MYO16: variants seen among roughly 807,000 people sequenced by gnomAD.
MYO16 encodes the protein myosin XVI, also known as unconventional myosin-XVI.
Under a neutral mutation model 205.3 loss-of-function variants are expected in MYO16, and 94 were observed. The observed-to-expected ratio is 0.46, with a 90% CI of 0.39 to 0.54. The LOEUF (loss-of-function observed/expected upper bound fraction) is 0.54, where lower values mean the gene tolerates loss of function less well. MYO16 is among the 20% of genes least tolerant of loss of function. The pLI, the probability that MYO16 is intolerant of heterozygous loss-of-function variation, is 0.00. For missense variants in MYO16, 2,315 were observed against 2,387.5 expected (o/e 0.97, Z 0.63); for synonymous variants, 988 against 954.0 (o/e 1.04, Z -0.66).
intron 23 of MYO16, among the ~76,000 whole-genome samples, chr13:109,041,277 A>T (rs1886875681): frequency 6.6e-6 from 1 of 152,232 alleles, no homozygotes; most frequent in African/African-American, 2.4e-5. Flanking sequence ...AATAGTAATC[A>T]TCATAGTAAT....
At chr13:108,772,057 G>C (rs1885982186) in intron 4 of MYO16, among the ~76,000 whole-genome samples, 1 of 152,164 alleles carries the variant, frequency 6.6e-6, no homozygotes. Flanking sequence ...GGTTTACTTT[G>C]TAAGAGATAA....
the MYO16 span, among the ~76,000 whole-genome samples, chr13:108,582,010 A>G: frequency 1.3e-5 from 2 of 152,086 alleles, no homozygotes; most frequent in Non-Finnish European, 2.9e-5. Context: ...ATGTATATTC[A>G]TTGCTTCATT....
chr13:108,915,965 G>T (rs1185788063), intron 16 of MYO16, among the ~76,000 whole-genome samples: 1 of 152,164 alleles, frequency 6.6e-6, no homozygotes, highest in Non-Finnish European at 1.5e-5. Flanking sequence ...GTGAAGGTTT[G>T]GTTTCTGCTA....
chr13:108,768,504 CAT>C (rs990760557), intron 4 of MYO16, among the ~76,000 whole-genome samples: 2 of 152,120 alleles, frequency 1.3e-5, no homozygotes, highest in African/African-American at 4.8e-5. Flanking sequence ...ATTTCCAAAA[CAT>C]AGAATAATTT....
intron 3 of MYO16, among the ~76,000 whole-genome samples, chr13:108,723,674 G>A (rs1010248772): frequency 2.6e-5 from 4 of 151,958 alleles, no homozygotes; most frequent in Non-Finnish European, 5.9e-5. Context: ...ATGTTTCATT[G>A]ATTAATTTCA....
In MYO16 at chr13:108,906,329, TA is replaced by T. The variant is rs1566403793; in HGVS notation, c.1778-3668del. On this transcript the variant is annotated intron_variant, in intron 15 of 34. Transcript: ENST00000457511. ...AGTTGAAATTGAAATTTACTAACAA[TA>T]AAAAATATCTTCCAGTAAATATAGC... is the stretch of plus-strand genomic sequence containing the variant. Among the ~76,000 whole-genome samples, 16 of 152,224 alleles carry T rather than the reference TA, an allele frequency of 1.1e-4. No individual in the cohort carries two copies. The South Asian group carries it at 3.1e-3, about 30-fold the overall frequency.
intron 1 of MYO16, among the ~76,000 whole-genome samples, chr13:108,608,728 C>T (rs192691432): frequency 1.3e-5 from 2 of 152,120 alleles, no homozygotes; most frequent in Non-Finnish European, 2.9e-5. Flanking sequence ...CTGCAACCTC[C>T]GCCTCCAGGG....
At position 108,778,630 on chromosome 13, in the gene MYO16, A is replaced by T. The variant is rs943722112; in HGVS notation, c.508-7005A>T. 1.8e-4 allele frequency among the ~76,000 whole-genome samples: 28 copies of T among 151,972 alleles called. No individual in the cohort carries two copies. The Middle Eastern group carries it at 0.01, about 56-fold the overall frequency. ...CGAGACTCCATCTAAAAAAATATAT[A>T]TTTTTTTTCTGTTTCACTGGAGTCT... On this transcript the variant is annotated intron_variant, in intron 4 of 34. Transcript: ENST00000457511.
chr13:108,575,453 G>T, the MYO16 span, among the ~76,000 whole-genome samples: 1 of 152,098 alleles, frequency 6.6e-6, no homozygotes, highest in Admixed American at 6.6e-5. Context: ...ACTCTAGATG[G>T]CTGAAGGAAA....
intron 16 of MYO16, among the ~76,000 whole-genome samples, chr13:108,915,172 C>G (rs1200387174): frequency 6.6e-6 from 1 of 152,200 alleles, no homozygotes; most frequent in Non-Finnish European, 1.5e-5. Flanking sequence ...GACATCACCT[C>G]CTAAGGCTTA....
At chr13:108,940,341 C>G (rs1393849777) in intron 16 of MYO16, among the ~76,000 whole-genome samples, 1 of 152,052 alleles carries the variant, frequency 6.6e-6, no homozygotes, top group African/African-American at 2.4e-5. Flanking sequence ...TATGTTCTGC[C>G]AAATGTGGGC....
chr13:108,813,416 A>G (rs946984783), intron 7 of MYO16, among the ~76,000 whole-genome samples: 15 of 152,118 alleles, frequency 9.9e-5, no homozygotes, highest in Non-Finnish European at 1.8e-4. Flanking sequence ...AGACTTTAAC[A>G]TTATATTTTC....
intron 22 of MYO16, among the ~76,000 whole-genome samples, chr13:109,016,026 G>A (rs925942090): frequency 6.6e-6 from 1 of 151,746 alleles, no homozygotes; most frequent in African/African-American, 2.4e-5. Context: ...CTTTGCTCTC[G>A]CTTCTCTAGT....
At chr13:109,059,882 T>TA (rs930392868) in intron 27 of MYO16, among the ~76,000 whole-genome samples, 5 of 152,208 alleles carry the variant, frequency 3.3e-5, no homozygotes, top group African/African-American at 1.2e-4. Context: ...CTAGGGTTTT[T>TA]ATGGGTTTGG....
chr13:108,500,483 C>T, the MYO16 span, among the ~76,000 whole-genome samples: 1 of 152,158 alleles, frequency 6.6e-6, no homozygotes, highest in Admixed American at 6.5e-5. Context: ...TCGCCTCGGC[C>T]TCCCAAAGTG....
chr13:109,154,717 T>C (rs763572566), intron 32 of MYO16, among the ~76,000 whole-genome samples: 4 of 151,962 alleles, frequency 2.6e-5, no homozygotes, highest in Non-Finnish European at 5.9e-5. Context: ...AAAACATATG[T>C]TGCTGACACC....
chr13:108,610,881 C>G (rs1005013777), intron 1 of MYO16, among the ~76,000 whole-genome samples: 1 of 152,132 alleles, frequency 6.6e-6, no homozygotes, highest in Admixed American at 6.6e-5. Flanking sequence ...TGTTAGTGCT[C>G]TTTTTCCTCT....
chr13:108,531,774 A>T, the MYO16 span, among the ~76,000 whole-genome samples: 1 of 152,138 alleles, frequency 6.6e-6, no homozygotes, highest in Non-Finnish European at 1.5e-5. Context: ...ATAAATATGG[A>T]TGGGCTCACT....
At chr13:109,065,852 G>T (rs77523065) in intron 27 of MYO16, among the ~76,000 whole-genome samples, 2,818 of 152,262 alleles carry the variant, frequency 0.019, 94 homozygotes, top group African/African-American at 0.063. Context: ...TTTATGGTTG[G>T]CAGAGAAGAG....
Sources: allele counts gnomAD v4.1 joint callset (sites outside exome capture counted in the v4.1 genomes callset), GRCh38; gene constraint gnomAD v4.1.1; transcripts MANE v1.5; gene names NCBI Gene and HGNC (gene_info 2026-07-23, HGNC 2026-07-21).